CCDC7: variants seen among roughly 807,000 people sequenced by gnomAD.
CCDC7 encodes coiled-coil domain containing 7, also known as coiled-coil domain-containing protein 7.
Under a neutral mutation model 196.9 loss-of-function variants are expected in CCDC7, and 183 were observed. The ratio of observed to expected loss-of-function variants is 0.93; its 90% confidence interval spans 0.82 to 1.05. The LOEUF (loss-of-function observed/expected upper bound fraction) is 1.05, where lower values mean the gene tolerates loss of function less well. Among genes scored for constraint, CCDC7 ranks in the 50% least tolerant of loss-of-function variants. CCDC7 has a pLI of 0.00. For missense variants in CCDC7, 1,540 were observed against 1,482.2 expected, an observed-to-expected ratio of 1.04 and a Z score of -0.64; for synonymous variants, 525 against 484.6, an observed-to-expected ratio of 1.08 and a Z score of -1.10.
chr10:32,620,176 A>G (rs1590698049), intron 18 of CCDC7, among the ~76,000 whole-genome samples: 1 of 150,424 alleles, frequency 6.6e-6, no homozygotes, highest in Non-Finnish European at 1.5e-5. Context: ...ACCCGTCTTG[A>G]CCTCCCAACA....
At chr10:32,603,807 T>C (rs1339157100) in intron 18 of CCDC7, among the ~76,000 whole-genome samples, 1 of 152,178 alleles carries the variant, frequency 6.6e-6, no homozygotes, top group Non-Finnish European at 1.5e-5. Context: ...ATTATTTGTT[T>C]CTTTGCTATT....
intron 24 of CCDC7, among the ~76,000 whole-genome samples, chr10:32,697,831 G>A (rs183160775): frequency 4.2e-4 from 64 of 152,258 alleles, no homozygotes; most frequent in African/African-American, 1.3e-3. Context: ...GTGGTTCTCC[G>A]TGCATGGAGT....
At chr10:32,672,893 G>A (rs888364832) in intron 21 of CCDC7, among the ~76,000 whole-genome samples, 1 of 152,172 alleles carries the variant, frequency 6.6e-6, no homozygotes, top group Non-Finnish European at 1.5e-5. Context: ...TAGCAGGAGG[G>A]ATGAAGGTTG....
intron 16 of CCDC7, chr10:32,574,457 G>A: frequency 6.3e-7 from 1 of 1,591,710 alleles, no homozygotes; most frequent in Non-Finnish European, 8.5e-7. Context: ...AAATACTTTG[G>A]AAAAGTCTCC....
intron 30 of CCDC7, among the ~76,000 whole-genome samples, chr10:32,808,125 C>T (rs2086252357): frequency 1.3e-5 from 2 of 152,136 alleles, no homozygotes; most frequent in South Asian, 4.1e-4. Flanking sequence ...TTAATGCCAC[C>T]CAGGCACACC....
chr10:32,679,185 T>C (rs2075483355), intron 21 of CCDC7, among the ~76,000 whole-genome samples: 1 of 152,206 alleles, frequency 6.6e-6, no homozygotes, highest in Non-Finnish European at 1.5e-5. Flanking sequence ...GGTTGTGTGC[T>C]CAGAATTCAC....
At chr10:32,668,141 G>T (rs2073227973) in intron 21 of CCDC7, among the ~76,000 whole-genome samples, 1 of 152,036 alleles carries the variant, frequency 6.6e-6, no homozygotes, top group Non-Finnish European at 1.5e-5. Context: ...ATTGTGAATG[G>T]GAGTTCACTC....
intron 29 of CCDC7, among the ~76,000 whole-genome samples, chr10:32,789,436 T>A (rs1245544462): frequency 4.0e-5 from 6 of 151,676 alleles, no homozygotes; most frequent in Admixed American, 3.3e-4. Flanking sequence ...AAGAACTCAA[T>A]GATTGAACTG....
intron 28 of CCDC7, among the ~76,000 whole-genome samples, chr10:32,774,449 C>A (rs2079648470): frequency 6.6e-6 from 1 of 152,164 alleles, no homozygotes; most frequent in Non-Finnish European, 1.5e-5. Flanking sequence ...ACACTGGGAA[C>A]CATGTGTCTA....
At chr10:32,547,552 G>T (rs2052675869) in intron 13 of CCDC7, among the ~76,000 whole-genome samples, 1 of 151,688 alleles carries the variant, frequency 6.6e-6, no homozygotes, top group African/African-American at 2.4e-5. Flanking sequence ...GAAGGTCATG[G>T]GATTATTTTA....
intron 20 of CCDC7, among the ~76,000 whole-genome samples, chr10:32,663,809 G>T (rs2072041209): frequency 6.6e-6 from 1 of 151,778 alleles, no homozygotes; most frequent in Non-Finnish European, 1.5e-5. Flanking sequence ...AAATAATTAA[G>T]AACAAGTAGA....
At chr10:32,837,500 T>C (rs968053796) in intron 33 of CCDC7, among the ~76,000 whole-genome samples, 11 of 152,160 alleles carry the variant, frequency 7.2e-5, no homozygotes, top group Admixed American at 5.2e-4. Context: ...GTTCAACCAT[T>C]GTGGAAGACA....
intron 13 of CCDC7, among the ~76,000 whole-genome samples, chr10:32,560,930 C>T (rs1320344200): frequency 1.3e-5 from 2 of 152,068 alleles, no homozygotes; most frequent in Non-Finnish European, 2.9e-5. Context: ...GAAACCATCT[C>T]ACATGCAGAG....
chr10:32,607,818 A>G (rs962439727), intron 18 of CCDC7, among the ~76,000 whole-genome samples: 6 of 152,102 alleles, frequency 3.9e-5, no homozygotes, highest in Non-Finnish European at 8.8e-5. Flanking sequence ...TTTGATATCA[A>G]GGACTTCATA....
At position 32,633,696 on chromosome 10, in the gene CCDC7, A is replaced by ATATATGTGTGTGTGTG. The variant is rs779341941; in HGVS notation, c.1802-557_1802-556insATATGTGTGTGTGTGT. ...TTTAGCTTTGTGTATATATATATAT[A>ATATATGTGTGTGTGTG]TGTGTGTGTGTGTGTGTGTGTGTGT... On this transcript the variant is annotated intron_variant, in intron 18 of 41. Transcript: ENST00000639629. 5.9e-4 allele frequency among the ~76,000 whole-genome samples: 80 copies of ATATATGTGTGTGTGTG among 135,204 alleles called. No homozygotes were observed. The East Asian group carries it at 9.9e-3, about 17-fold the overall frequency. 88.7% of individuals were successfully genotyped at this position (135,204 alleles called of 152,430 possible). A position where few individuals can be genotyped will look rare whatever the true frequency, so the allele number is the denominator to read the frequency against.
chr10:32,822,459 T>G (rs986227359), intron 31 of CCDC7, among the ~76,000 whole-genome samples: 4 of 152,146 alleles, frequency 2.6e-5, no homozygotes, highest in African/African-American at 9.6e-5. Flanking sequence ...ATAAGTGTGT[T>G]CATGTAACAA....
intron 25 of CCDC7, among the ~76,000 whole-genome samples, chr10:32,723,620 T>G (rs1417295256): frequency 6.6e-6 from 1 of 152,048 alleles, no homozygotes; most frequent in Non-Finnish European, 1.5e-5. Flanking sequence ...TTCATCCCAG[T>G]CCTCTCTTCC....
chr10:32,751,961 T>G (rs113059076), intron 28 of CCDC7, among the ~76,000 whole-genome samples: 23 of 152,172 alleles, frequency 1.5e-4, no homozygotes, highest in African/African-American at 5.5e-4. Context: ...GCAGTTCGCT[T>G]GCCTCTGTAT....
chr10:32,511,261 C>CAGG (rs1554812867), intron 9 of CCDC7: 2 of 383,214 alleles, frequency 5.2e-6, no homozygotes, highest in Non-Finnish European at 8.6e-6. Context: ...CTGTGGGGGG[C>CAGG]GGGGGGGGCG....
Sources: gnomAD v4.1 joint callset for allele counts (sites outside exome capture counted in the v4.1 genomes callset) on GRCh38, gnomAD v4.1.1 for gene constraint, MANE v1.5 for transcripts, NCBI Gene and HGNC (gene_info 2026-07-23, HGNC 2026-07-21) for gene names.